The following ABCC1 variants were observed in gnomAD, a reference collection of about 807,000 sequenced individuals.
ABCC1 encodes ATP binding cassette subfamily C member 1 (ABCC1 blood group).
Under a neutral mutation model 172.9 loss-of-function variants are expected in ABCC1, and 83 were observed. That is an observed-to-expected ratio of 0.48 (90% CI 0.40 to 0.58). The LOEUF (loss-of-function observed/expected upper bound fraction) is 0.58. ABCC1 is among the 20% of genes least tolerant of loss of function. The pLI, the probability that ABCC1 is intolerant of heterozygous loss-of-function variation, is 0.00. For synonymous variants in ABCC1, 937 were observed against 825.2 expected (o/e 1.14, Z -2.32); for missense variants, 1,817 against 2,002.7 (o/e 0.91, Z 1.77).
chr16:15,949,725 G>T lies in ABCC1; in HGVS notation c.-27G>T. On this transcript the variant is annotated 5_prime_UTR_variant, in exon 1 of 31. Transcript: ENST00000399410. The stretch of plus-strand genomic sequence containing the variant: ...ACCGGGCCCGATCACCCGCCGCCCG[G>T]TGCCCGCCGCCGCCCGCGCCACCGG... 2 of 1,144,038 alleles carry T rather than the reference G, an allele frequency of 1.7e-6. No homozygotes were observed. The highest frequency in any genetic ancestry group is 1.1e-6 in the Non-Finnish European group (1 of 930,842). 70.9% of individuals were successfully genotyped at this position (1,144,038 alleles called of 1,614,324 possible). A position where few individuals can be genotyped will look rare whatever the true frequency, so the allele number is the denominator to read the frequency against.
intron 17 of ABCC1, 57 bp downstream of exon 17, chr16:16,083,599 T>C: frequency 6.3e-7 from 1 of 1,579,108 alleles, no homozygotes; most frequent in Non-Finnish European, 8.7e-7. Context: ...GCGTAACAAA[T>C]GCTCTCACAA....
intron 9 of ABCC1, among the ~76,000 whole-genome samples, chr16:16,047,635 T>C (rs1008857603): frequency 1.3e-5 from 2 of 151,984 alleles, no homozygotes; most frequent in African/African-American, 4.8e-5. Flanking sequence ...ACTCCTACAG[T>C]GCGCAGGACA....
chr16:15,974,283 C>T (rs928689952), intron 1 of ABCC1, among the ~76,000 whole-genome samples: 1 of 152,162 alleles, frequency 6.6e-6, no homozygotes, highest in Non-Finnish European at 1.5e-5. Flanking sequence ...CTGGCCTGGG[C>T]ATGGGCCTTG....
intron 13 of ABCC1, 152 bp from the exon 14 acceptor site, chr16:16,071,490 T>A (rs558650270): frequency 1.6e-6 from 1 of 626,172 alleles, no homozygotes; most frequent in South Asian, 2.0e-5. Flanking sequence ...AATTCTAAAG[T>A]ATACACTGGT....
chr16:15,953,280 C>T (rs775526655), intron 1 of ABCC1, among the ~76,000 whole-genome samples: 3 of 152,010 alleles, frequency 2.0e-5, no homozygotes, highest in Non-Finnish European at 4.4e-5. Flanking sequence ...TTGCAGTGAG[C>T]TGAGATCACA....
chr16:15,956,858 A>G (rs1313353045), intron 1 of ABCC1, among the ~76,000 whole-genome samples: 1 of 152,274 alleles, frequency 6.6e-6, no homozygotes, highest in African/African-American at 2.4e-5. Flanking sequence ...TGGCAGAGGC[A>G]GAAGCATAAT....
At chr16:16,083,605 C>T (rs2050891083) in intron 17 of ABCC1, 63 bp downstream of exon 17, 2 of 1,572,806 alleles carry the variant, frequency 1.3e-6, no homozygotes, top group Non-Finnish European at 1.7e-6. Context: ...CAAATGCTCT[C>T]ACAATCTCAG....
At chr16:16,067,703 A>C (rs1263126041) in intron 12 of ABCC1, among the ~76,000 whole-genome samples, 2 of 152,190 alleles carry the variant, frequency 1.3e-5, no homozygotes, top group African/African-American at 4.8e-5. Flanking sequence ...GACCCTGAAA[A>C]TACATGGGCC....
At chr16:16,072,497 T>TC (rs1555493433) in intron 14 of ABCC1, among the ~76,000 whole-genome samples, 1 of 150,420 alleles carries the variant, frequency 6.6e-6, no homozygotes, top group Non-Finnish European at 1.5e-5. Flanking sequence ...TTTTTTTTTT[T>TC]CAATATTAAA....
At chr16:16,014,809 G>A (rs145235223) in intron 4 of ABCC1, among the ~76,000 whole-genome samples, 181 bp downstream of exon 4, 3 of 152,262 alleles carry the variant, frequency 2.0e-5, no homozygotes, top group South Asian at 2.1e-4. Flanking sequence ...ATCAGCCCCA[G>A]CCTTTTTTCT....
intron 15 of ABCC1, among the ~76,000 whole-genome samples, chr16:16,077,991 G>A (rs1388724134): frequency 1.3e-5 from 2 of 151,932 alleles, no homozygotes; most frequent in Non-Finnish European, 2.9e-5. Context: ...AACCCCATCT[G>A]TACTAAAAAT....
Position 16,136,494 on chromosome 16 carries a change from C to T in ABCC1, c.4142C>T (p.Ser1381Leu), listed in dbSNP as rs574461562. 20 of 1,614,106 alleles carry T rather than the reference C, an allele frequency of 1.2e-5. No individual in the cohort carries two copies. Among genetic ancestry groups the T allele is most frequent in the African/African-American group, 4.0e-5 (3 of 75,032 alleles). The change falls in exon 29 of 31, where the codon TCG (serine) becomes TTG (leucine). Residue 1381 changes from serine (S) to leucine (L), a missense_variant. Ser to Leu is a moderately radical substitution (Grantham distance 145). This residue lies in a region of ABCC1 where 1,412 missense variants were observed against 1,600.3 expected (regional missense o/e 0.88). Coordinates refer to ENST00000399410, the MANE Select transcript of ABCC1 (RefSeq NM_004996.4). Reference sequence around the variant, plus strand: ...TCTGAACAGGACCCTGTTTTGTTTTCGGGTTCCCTCCGAATGAACCTGGAC... The same window carrying T: ...TCTGAACAGGACCCTGTTTTGTTTTTGGGTTCCCTCCGAATGAACCTGGAC... ...TIIPQDPVLF[S>L]GSLRMNLDPF... is the part of the protein sequence containing the mutation.
chr16:16,122,711 TAAA>T (rs34383577), intron 24 of ABCC1, among the ~76,000 whole-genome samples: 55 of 116,236 alleles, frequency 4.7e-4, no homozygotes, highest in African/African-American at 1.2e-3. Context: ...CCATCTCTCT[TAAA>T]AAAAAAAAAA....
At chr16:16,035,820 T>A (rs183873588) in intron 6 of ABCC1, among the ~76,000 whole-genome samples, 1 of 151,678 alleles carries the variant, frequency 6.6e-6, no homozygotes, top group East Asian at 2.0e-4. Context: ...TAATTTAAAA[T>A]TTTAAAAAGT....
intron 19 of ABCC1, chr16:16,094,590 T>G (rs1235430493): frequency 6.6e-6 from 1 of 152,620 alleles, no homozygotes; most frequent in East Asian, 1.9e-4. Flanking sequence ...CTTGGCTCCC[T>G]GCAAGCTCTG....
Position 16,033,139 on chromosome 16 carries a change from CTG to C in ABCC1, c.648_649del (p.Ser217GlufsTer23). On this transcript the variant is annotated frameshift_variant, in exon 6 of 31. Coordinates refer to ENST00000399410, the MANE Select transcript of ABCC1 (RefSeq NM_004996.4). LOFTEE classifies it high-confidence loss of function. The part of the protein sequence containing the change: ...NPCPESSASF[L>X]SRITFWWITG... ...CTGCCCAGAGTCCAGCGCTTCCTTC[CTG>C]TCGAGGATCACCTTCTGGTGGATCA... 1 of 1,614,196 alleles carries C rather than the reference CTG, an allele frequency of 6.2e-7. No individual in the cohort carries two copies. Among genetic ancestry groups the C allele is most frequent in the Non-Finnish European group, 8.5e-7 (1 of 1,180,040 alleles).
At chr16:16,080,536 G>GT (rs925733106) in intron 16 of ABCC1, among the ~76,000 whole-genome samples, 1 of 152,152 alleles carries the variant, frequency 6.6e-6, no homozygotes, top group African/African-American at 2.4e-5. Context: ...CCTTTTCCTA[G>GT]TGTAACGACA....
At chr16:16,015,743 G>C (rs1187673483) in intron 4 of ABCC1, among the ~76,000 whole-genome samples, 1 of 152,168 alleles carries the variant, frequency 6.6e-6, no homozygotes, top group Admixed American at 6.6e-5. Context: ...CCTGTGCTTT[G>C]TAGACATTTA....
At chr16:16,012,384 C>T (rs976325973) in intron 3 of ABCC1, among the ~76,000 whole-genome samples, 3 of 152,068 alleles carry the variant, frequency 2.0e-5, no homozygotes, top group Admixed American at 6.5e-5. Flanking sequence ...ATGCAGTAAG[C>T]GTTCCATAAA....
Sources: gnomAD v4.1 joint callset for allele counts (sites outside exome capture counted in the v4.1 genomes callset) on GRCh38, gnomAD v4.1.1 for gene constraint, gnomAD v4.1.1 regional missense constraint, MANE v1.5 for transcripts, NCBI Gene and HGNC (gene_info 2026-07-23, HGNC 2026-07-21) for gene names.